FBLN2: variants seen among roughly 807,000 people sequenced by gnomAD.
FBLN2 encodes the protein fibulin 2, also known as fibulin-2.
A neutral mutation model predicts 123.7 loss-of-function variants in FBLN2; 81 were observed. That is an observed-to-expected ratio of 0.65 (90% confidence interval 0.55 to 0.79). The LOEUF (loss-of-function observed/expected upper bound fraction) is 0.79, where lower values mean the gene tolerates loss of function less well. FBLN2 is among the 30% of genes least tolerant of loss of function. FBLN2 has a pLI of 0.00. For synonymous variants in FBLN2, 699 were observed against 701.4 expected (o/e 1.00, Z 0.05); for missense variants, 1,603 against 1,681.3 (o/e 0.95, Z 0.81).
intron 5 of FBLN2, among the ~76,000 whole-genome samples, chr3:13,615,186 G>A (rs1263381043): frequency 2.0e-5 from 3 of 152,262 alleles, no homozygotes; most frequent in Admixed American, 2.0e-4. Flanking sequence ...GCAGGAGCCT[G>A]ATGAGGGTGC....
chr3:13,576,478 G>A (rs777240491), intron 2 of FBLN2, among the ~76,000 whole-genome samples: 2 of 152,182 alleles, frequency 1.3e-5, no homozygotes, highest in African/African-American at 4.8e-5. Flanking sequence ...GCATCCAACT[G>A]TGGGGACAGA....
chr3:13,627,964 G>A lies in FBLN2; in HGVS notation c.2564G>A (p.Cys855Tyr), dbSNP rs892528904. Reference sequence around the variant, plus strand: ...TTCCTGCAGGATCCTGAAGGCAACTGTGTGGGTGAGCGGGGGCTGCAGGGC... The same window carrying A: ...TTCCTGCAGGATCCTGAAGGCAACTATGTGGGTGAGCGGGGGCTGCAGGGC... ...DGFLQDPEGN[C>Y]VDINECTSLS... The change falls in exon 11 of 18, where the codon TGT becomes TAT. Residue 855 changes from cysteine to tyrosine, a missense_variant. Cys to Tyr is a radical substitution (Grantham distance 194). Transcript: ENST00000404922. 6.2e-7 allele frequency: 1 copy of A among 1,613,262 alleles called. No homozygotes were observed.
Position 13,628,830 on chromosome 3 carries a change from G to A in FBLN2, c.2570-75G>A, listed in dbSNP as rs1198734782. On this transcript the variant is annotated intron_variant, in intron 11 of 17. Coordinates refer to ENST00000404922, the MANE Select transcript of FBLN2 (RefSeq NM_001004019.2). Reference sequence around the variant, plus strand: ...GGAGCCCAGGACCGACCCCCTCCCAGTGTGGCCCTGGGAGGGGCTGGGGCC... The same window carrying A: ...GGAGCCCAGGACCGACCCCCTCCCAATGTGGCCCTGGGAGGGGCTGGGGCC... The A allele has an allele frequency of 5.2e-6, 8 of 1,550,166 alleles. No individual in the cohort carries two copies. In the East Asian group the frequency reaches 1.9e-4, roughly 36 times the overall value.
chr3:13,634,334 A>G (rs1238653636), intron 16 of FBLN2, among the ~76,000 whole-genome samples: 1 of 152,250 alleles, frequency 6.6e-6, no homozygotes, highest in South Asian at 2.1e-4. Context: ...GGGGCCTGGC[A>G]GCGCCGATGG....
intron 2 of FBLN2, among the ~76,000 whole-genome samples, chr3:13,604,553 G>A (rs569079125): frequency 4.6e-5 from 7 of 152,280 alleles, no homozygotes; most frequent in African/African-American, 1.7e-4. Flanking sequence ...TAGATGTGTG[G>A]TATTATTTCT....
chr3:13,636,374 T>C lies in FBLN2; in HGVS notation c.3215-71T>C, dbSNP rs183561400. On this transcript the variant is annotated intron_variant, in intron 16 of 17. Coordinates refer to ENST00000404922, the MANE Select transcript of FBLN2 (RefSeq NM_001004019.2). ...GCTGCCGTGGGGCCCAGGCCTTTCA[T>C]GCAGGCTGGGGAGTTTCAGGCTGGG... 33 of 1,577,874 alleles carry C rather than the reference T, an allele frequency of 2.1e-5. No homozygotes were observed. In the East Asian group the frequency reaches 6.4e-4, roughly 30 times the overall value.
chr3:13,562,113 A>G (rs1180855127), intron 1 of FBLN2, among the ~76,000 whole-genome samples: 2 of 152,176 alleles, frequency 1.3e-5, no homozygotes, highest in Non-Finnish European at 2.9e-5. Flanking sequence ...AGTGAACTAG[A>G]TGACTTCCTC....
At chr3:13,608,552 C>T (rs1421333507) in intron 3 of FBLN2, among the ~76,000 whole-genome samples, 1 of 152,230 alleles carries the variant, frequency 6.6e-6, no homozygotes, top group East Asian at 1.9e-4. Context: ...CTGCCCTCTT[C>T]CTTTCTCTGC....
chr3:13,577,715 G>A (rs1294784861), intron 2 of FBLN2, among the ~76,000 whole-genome samples: 1 of 152,202 alleles, frequency 6.6e-6, no homozygotes, highest in East Asian at 1.9e-4. Context: ...ATGGGAGCAG[G>A]TGGCTGCCCC....
At chr3:13,569,711 G>C (rs989087886) in intron 1 of FBLN2, among the ~76,000 whole-genome samples, 2 of 151,984 alleles carry the variant, frequency 1.3e-5, no homozygotes, top group Non-Finnish European at 2.9e-5. Flanking sequence ...GGGGCTGTAG[G>C]GGGCGTCTTG....
intron 1 of FBLN2, among the ~76,000 whole-genome samples, chr3:13,555,411 CGAGT>C (rs1188680862): frequency 1.3e-5 from 2 of 151,768 alleles, no homozygotes; most frequent in African/African-American, 2.4e-5. Flanking sequence ...GCCTTGAGCC[CGAGT>C]GAGTGTTCCC....
intron 4 of FBLN2, 142 bp downstream of exon 4, chr3:13,609,784 A>G (rs1477945225): frequency 3.3e-6 from 3 of 919,194 alleles, no homozygotes; most frequent in East Asian, 5.3e-5. Flanking sequence ...CTGGGGTGGA[A>G]GGACTCTTAA....
At chr3:13,602,230 A>T (rs11128649) in intron 2 of FBLN2, among the ~76,000 whole-genome samples, 56,565 of 152,124 alleles carry the variant, frequency 0.37, 10,885 homozygotes, top group Non-Finnish European at 0.43. Flanking sequence ...TTTGAATGCC[A>T]CCTTCATCAT....
intron 2 of FBLN2, among the ~76,000 whole-genome samples, chr3:13,595,573 A>G (rs1186797638): frequency 6.6e-6 from 1 of 152,022 alleles, no homozygotes; most frequent in African/African-American, 2.4e-5. Context: ...CGGGAACATC[A>G]GGGCTGCAGC....
intron 2 of FBLN2, among the ~76,000 whole-genome samples, chr3:13,591,708 G>A (rs928517277): frequency 7.2e-5 from 11 of 152,244 alleles, no homozygotes; most frequent in South Asian, 4.1e-4. Context: ...TTCCAGCATT[G>A]TTCTTCTTTT....
chr3:13,560,782 G>A (rs1703582122), intron 1 of FBLN2, among the ~76,000 whole-genome samples: 2 of 151,952 alleles, frequency 1.3e-5, no homozygotes, highest in African/African-American at 4.8e-5. Flanking sequence ...TACTGCAATG[G>A]TTCTTTTTTA....
chr3:13,572,006 G>A lies in FBLN2; in HGVS notation c.1306+345G>A, dbSNP rs140493442. On this transcript the variant is annotated intron_variant, in intron 2 of 17. Transcript: ENST00000404922. ...CTGCCTCAGCCCGGTAGGCCCCCAC[G>A]TGTCCTGGCAGGAAATGCGAAGGGC... Among the ~76,000 whole-genome samples the A allele has an allele frequency of 4.4e-3, 675 of 152,328 alleles. 3 individuals are homozygous for A. The highest frequency in any genetic ancestry group is 0.037 in the South Asian group (179 of 4,824).
chr3:13,580,428 G>A (rs1262476324), intron 2 of FBLN2, among the ~76,000 whole-genome samples: 1 of 152,188 alleles, frequency 6.6e-6, no homozygotes, highest in Non-Finnish European at 1.5e-5. Context: ...GAGCCGGGGA[G>A]ACAGGGTGAG....
chr3:13,629,632 A>C (rs1042517687), intron 13 of FBLN2, among the ~76,000 whole-genome samples, 188 bp from the exon 14 acceptor site: 4 of 151,846 alleles, frequency 2.6e-5, no homozygotes, highest in African/African-American at 9.7e-5. Context: ...GCCTTCCTCC[A>C]ATACCCTTGC....
Sources: gnomAD v4.1 joint callset for allele counts (sites outside exome capture counted in the v4.1 genomes callset) on GRCh38, gnomAD v4.1.1 for gene constraint, MANE v1.5 for transcripts, NCBI Gene and HGNC (gene_info 2026-07-23, HGNC 2026-07-21) for gene names.